SLC4A4: variants seen among roughly 807,000 people sequenced by gnomAD.
SLC4A4 encodes the protein electrogenic sodium bicarbonate cotransporter 1.
SLC4A4 carries 27 observed loss-of-function variants against 111.5 expected under a neutral mutation model. That is an observed-to-expected ratio of 0.24 (90% CI 0.18 to 0.33). The LOEUF (loss-of-function observed/expected upper bound fraction) is 0.33. SLC4A4 is among the 10% of genes least tolerant of loss of function. The probability of loss-of-function intolerance (pLI) is 1.00; values close to 1 mark genes in which losing one functional copy is unlikely to be tolerated. For missense variants in SLC4A4, 909 were observed against 1,315.5 expected (o/e 0.69, Z 4.78); for synonymous variants, 443 against 463.4 (o/e 0.96, Z 0.57).
intron 3 of SLC4A4, among the ~76,000 whole-genome samples, chr4:71,329,103 C>T (rs897702848): frequency 6.6e-6 from 1 of 152,018 alleles, no homozygotes; most frequent in East Asian, 1.9e-4. Flanking sequence ...TTCTTGGCAC[C>T]TCTATAAAAA....
intron 16 of SLC4A4, among the ~76,000 whole-genome samples, chr4:71,508,838 A>G (rs534457814): frequency 6.6e-6 from 1 of 152,232 alleles, no homozygotes; most frequent in Non-Finnish European, 1.5e-5. Context: ...CTTGATGAAC[A>G]TTGATGCAAA....
intron 7 of SLC4A4, among the ~76,000 whole-genome samples, chr4:71,420,623 T>A (rs1468204486): frequency 1.3e-5 from 2 of 152,200 alleles, no homozygotes; most frequent in Non-Finnish European, 2.9e-5. Context: ...CCCATCAGAC[T>A]AACAGCGGAT....
In SLC4A4 at chr4:71,568,161, C is replaced by A; in HGVS notation, c.*410C>A. On this transcript the variant is annotated 3_prime_UTR_variant, in exon 26 of 26. Transcript: ENST00000264485. Reference sequence around the variant, plus strand: ...AATTCTGTCACTCAAGACACAGACACGCACAGACCCTGTCCTTTGCCTCTA... The same window carrying A: ...AATTCTGTCACTCAAGACACAGACAAGCACAGACCCTGTCCTTTGCCTCTA... 1 of 358,896 alleles carries A rather than the reference C, an allele frequency of 2.8e-6. No individual in the cohort carries two copies. Among genetic ancestry groups the A allele is most frequent in the Non-Finnish European group, 5.0e-6 (1 of 199,122 alleles). 22.2% of individuals were successfully genotyped at this position (358,896 alleles called of 1,614,324 possible).
intron 3 of SLC4A4, among the ~76,000 whole-genome samples, chr4:71,287,250 T>TAGGAAGGAA (rs1316884202): frequency 6.6e-6 from 1 of 152,184 alleles, no homozygotes; most frequent in Non-Finnish European, 1.5e-5. Flanking sequence ...GGAGATCTAA[T>TAGGAAGGAA]AGGAAGGAAA....
chr4:71,408,199 C>T (rs896276146), intron 7 of SLC4A4, among the ~76,000 whole-genome samples: 2 of 151,992 alleles, frequency 1.3e-5, no homozygotes, highest in African/African-American at 2.4e-5. Flanking sequence ...ATTTTAATCA[C>T]TGTGGCAGGA....
chr4:71,443,118 A>ATATG (rs1724907296), intron 8 of SLC4A4, among the ~76,000 whole-genome samples: 1 of 43,980 alleles, frequency 2.3e-5, no homozygotes, highest in Non-Finnish European at 3.6e-5. Flanking sequence ...CTCTCTCTCT[A>ATATG]TATATATATA....
At chr4:71,542,529 C>G (rs767264611) in intron 18 of SLC4A4, among the ~76,000 whole-genome samples, 1 of 151,900 alleles carries the variant, frequency 6.6e-6, no homozygotes. Flanking sequence ...TAATTTTCTA[C>G]CTCCCCCATC....
At chr4:71,275,756 A>G (rs1723023523) in intron 3 of SLC4A4, among the ~76,000 whole-genome samples, 1 of 152,266 alleles carries the variant, frequency 6.6e-6, no homozygotes, top group Non-Finnish European at 1.5e-5. Context: ...GTACCACACC[A>G]CATTTCCTTC....
intron 2 of SLC4A4, among the ~76,000 whole-genome samples, chr4:71,245,289 G>A (rs910727717): frequency 6.6e-6 from 1 of 152,174 alleles, no homozygotes; most frequent in African/African-American, 2.4e-5. Flanking sequence ...TTGCAGAAGG[G>A]TTTTAAGCAA....
chr4:71,303,636 A>G (rs996451221), intron 3 of SLC4A4, among the ~76,000 whole-genome samples: 1 of 152,214 alleles, frequency 6.6e-6, no homozygotes, highest in Non-Finnish European at 1.5e-5. Context: ...GATCAAAATC[A>G]TAGGCTTTTG....
chr4:71,229,751 A>G (rs1381441058), intron 1 of SLC4A4, among the ~76,000 whole-genome samples: 1 of 151,258 alleles, frequency 6.6e-6, no homozygotes, highest in Non-Finnish European at 1.5e-5. Context: ...TAGTTAAGTC[A>G]GCAACTGTGT....
chr4:71,224,698 G>C (rs1221083650), intron 1 of SLC4A4, among the ~76,000 whole-genome samples: 1 of 152,202 alleles, frequency 6.6e-6, no homozygotes, highest in Non-Finnish European at 1.5e-5. Flanking sequence ...TGGCCAGTAG[G>C]CACACCAAAG....
intron 2 of SLC4A4, among the ~76,000 whole-genome samples, chr4:71,179,733 T>C (rs1429171007): frequency 6.6e-6 from 1 of 152,202 alleles, no homozygotes; most frequent in African/African-American, 2.4e-5. Flanking sequence ...CATTCCATGC[T>C]CGTGGGTAGG....
chr4:71,207,753 C>A (rs779539492), intron 1 of SLC4A4, among the ~76,000 whole-genome samples: 1 of 152,160 alleles, frequency 6.6e-6, no homozygotes, highest in Non-Finnish European at 1.5e-5. Context: ...AATATTAATG[C>A]TTGAATTCTG....
intron 7 of SLC4A4, among the ~76,000 whole-genome samples, chr4:71,398,997 A>G (rs1720103010): frequency 6.6e-6 from 1 of 152,212 alleles, no homozygotes; most frequent in African/African-American, 2.4e-5. Context: ...TGCTGAACAC[A>G]TACAGACTTT....
At chr4:71,229,202 T>G (rs748969008) in intron 1 of SLC4A4, among the ~76,000 whole-genome samples, 2 of 152,234 alleles carry the variant, frequency 1.3e-5, no homozygotes, top group Non-Finnish European at 2.9e-5. Flanking sequence ...CATAACCCCC[T>G]GGAAATTCAT....
chr4:71,117,265 G>A (rs1743294775), intron 2 of SLC4A4, among the ~76,000 whole-genome samples: 1 of 152,160 alleles, frequency 6.6e-6, no homozygotes. Context: ...ATAGGTGTGA[G>A]CCACCACATC....
chr4:71,566,082 A>G (rs1185116602), intron 24 of SLC4A4, among the ~76,000 whole-genome samples: 3 of 151,886 alleles, frequency 2.0e-5, no homozygotes, highest in African/African-American at 7.2e-5. Context: ...GATCACTGAG[A>G]GCCATCTTGG....
intron 4 of SLC4A4, among the ~76,000 whole-genome samples, chr4:71,339,917 C>T (rs1022912609): frequency 7.9e-5 from 12 of 152,016 alleles, no homozygotes; most frequent in African/African-American, 2.7e-4. Flanking sequence ...TACTCATTCC[C>T]TGTCAAGAGG....
Sources: gnomAD v4.1 joint callset for allele counts (sites outside exome capture counted in the v4.1 genomes callset) on GRCh38, gnomAD v4.1.1 for gene constraint, MANE v1.5 for transcripts, NCBI Gene and HGNC (gene_info 2026-07-23, HGNC 2026-07-21) for gene names.